Variants in TTLL7 observed in about 807,000 individuals in gnomAD.
The protein encoded by TTLL7 is tubulin tyrosine ligase like 7.
Under a neutral mutation model 120.2 loss-of-function variants are expected in TTLL7, and 53 were observed. That is an observed-to-expected ratio of 0.44 (90% CI 0.35 to 0.55). TTLL7 has a LOEUF of 0.55. Among genes scored for constraint, TTLL7 ranks in the 20% least tolerant of loss-of-function variants. The pLI is 0.00. For missense variants in TTLL7, 803 were observed against 1,054.7 expected (o/e 0.76, Z 3.31); for synonymous variants, 353 against 351.7 (o/e 1.00, Z -0.04).
At chr1:83,873,746 T>C (rs1321308577) in intron 20 of TTLL7, among the ~76,000 whole-genome samples, 1 of 152,158 alleles carries the variant, frequency 6.6e-6, no homozygotes, top group African/African-American at 2.4e-5. Flanking sequence ...TACCAATTTA[T>C]TGCTGACCAG....
At chr1:83,945,177 G>T (rs1263065678) in intron 6 of TTLL7, among the ~76,000 whole-genome samples, 1 of 152,152 alleles carries the variant, frequency 6.6e-6, no homozygotes, top group Non-Finnish European at 1.5e-5. Context: ...AATGTAAATA[G>T]ATTAACTCTC....
In TTLL7 at chr1:83,869,482, T is replaced by C. The variant is rs151213831; in HGVS notation, c.*480A>G. On this transcript the variant is annotated 3_prime_UTR_variant, in exon 21 of 21. Transcript: ENST00000260505. The stretch of plus-strand genomic sequence containing the variant: ...CATCAAGCAACACCAGGCTTCTAAA[T>C]CTTTTTGTTTCATTTAAAATGGCTA... 9.8e-4 allele frequency: 150 copies of C among 152,614 alleles called. 1 individual carries two copies. In the East Asian group the frequency reaches 0.025, roughly 25 times the overall value. The allele number at this position is 152,614 out of a possible 1,614,324, so 9.5% of individuals were successfully genotyped here.
intron 1 of TTLL7, among the ~76,000 whole-genome samples, chr1:83,998,046 CAATT>C (rs1167506559): frequency 1.3e-5 from 2 of 152,170 alleles, no homozygotes; most frequent in Non-Finnish European, 2.9e-5. Flanking sequence ...GATTACTCCT[CAATT>C]AATTAATTCT....
intron 1 of TTLL7, among the ~76,000 whole-genome samples, chr1:83,966,496 T>G (rs1650474196): frequency 6.6e-6 from 1 of 152,076 alleles, no homozygotes. Flanking sequence ...AAACCTGATT[T>G]AAAATACTCT....
chr1:83,888,780 C>G (rs1272515568), intron 19 of TTLL7, among the ~76,000 whole-genome samples: 2 of 151,644 alleles, frequency 1.3e-5, no homozygotes, highest in East Asian at 3.9e-4. Flanking sequence ...AAGAAGAAAA[C>G]AGCATATTAG....
chr1:83,991,118 G>A (rs886280160), intron 1 of TTLL7, among the ~76,000 whole-genome samples: 3 of 152,110 alleles, frequency 2.0e-5, no homozygotes, highest in Admixed American at 6.6e-5. Flanking sequence ...GTATGATTCC[G>A]CTTGTATGAG....
At chr1:83,976,048 T>A (rs1651449335) in intron 1 of TTLL7, among the ~76,000 whole-genome samples, 1 of 150,382 alleles carries the variant, frequency 6.6e-6, no homozygotes, top group South Asian at 2.1e-4. Flanking sequence ...TGTGTGTGTG[T>A]GTGTGTGTGT....
intron 4 of TTLL7, among the ~76,000 whole-genome samples, chr1:83,949,162 T>C (rs977185216): frequency 1.3e-5 from 2 of 152,218 alleles, no homozygotes; most frequent in African/African-American, 4.8e-5. Context: ...TATTTTCTTC[T>C]GAATATAAGT....
intron 14 of TTLL7, among the ~76,000 whole-genome samples, chr1:83,915,437 A>G (rs976385279): frequency 1.3e-5 from 2 of 152,228 alleles, no homozygotes; most frequent in Non-Finnish European, 2.9e-5. Context: ...CTAGCTAGCC[A>G]TATGTAGAAA....
At chr1:83,966,252 T>A (rs995823215) in intron 1 of TTLL7, among the ~76,000 whole-genome samples, 4 of 152,186 alleles carry the variant, frequency 2.6e-5, no homozygotes, top group Admixed American at 6.5e-5. Context: ...AGCTGCAACA[T>A]CAGTTCTTCC....
chr1:83,955,091 G>A (rs1039793534), intron 1 of TTLL7, among the ~76,000 whole-genome samples: 3 of 152,078 alleles, frequency 2.0e-5, no homozygotes, highest in African/African-American at 7.2e-5. Flanking sequence ...TTCTTCCGTT[G>A]AGCTTCTACC....
chr1:83,995,354 T>C (rs1407725972), intron 1 of TTLL7, among the ~76,000 whole-genome samples: 1 of 151,738 alleles, frequency 6.6e-6, no homozygotes, highest in Non-Finnish European at 1.5e-5. Flanking sequence ...CCTGGGGACA[T>C]ATCCATCATG....
intron 1 of TTLL7, among the ~76,000 whole-genome samples, chr1:83,953,191 C>T (rs1036749609): frequency 6.6e-6 from 1 of 152,148 alleles, no homozygotes; most frequent in Non-Finnish European, 1.5e-5. Context: ...CTATAGTACA[C>T]TTTGCTTGTA....
intron 18 of TTLL7, among the ~76,000 whole-genome samples, chr1:83,892,133 T>C (rs115061915): frequency 0.042 from 6,290 of 151,510 alleles, 153 homozygotes; most frequent in Middle Eastern, 0.1. Flanking sequence ...CTGGCCATGA[T>C]ACGCTTGTAA....
At chr1:83,916,112 ACCATTTGACCCAG>A (rs1015681496) in intron 14 of TTLL7, among the ~76,000 whole-genome samples, 1 of 152,142 alleles carries the variant, frequency 6.6e-6, no homozygotes, top group African/African-American at 2.4e-5. Flanking sequence ...AACTAGAAAT[ACCATTTGACCCAG>A]CCATCCCATT....
chr1:83,916,130 C>T lies in TTLL7; in HGVS notation c.1587+1474G>A, dbSNP rs532199688. ...TAGAAATACCATTTGACCCAGCCAT[C>T]CCATTACTGGGTATATCCCCAAAGG... On this transcript the variant is annotated intron_variant, in intron 14 of 20. Coordinates refer to ENST00000260505, the MANE Select transcript of TTLL7 (RefSeq NM_024686.6). Among the ~76,000 whole-genome samples, 68 of 152,272 alleles carry T rather than the reference C, an allele frequency of 4.5e-4. 1 individual carries two copies. The East Asian group carries it at 9.8e-3, about 22-fold the overall frequency.
intron 1 of TTLL7, among the ~76,000 whole-genome samples, chr1:83,964,899 T>C (rs1426334473): frequency 6.6e-6 from 1 of 152,152 alleles, no homozygotes. Flanking sequence ...TCATGGGATT[T>C]AAATTTACTA....
At chr1:83,916,324 A>C (rs960173330) in intron 14 of TTLL7, among the ~76,000 whole-genome samples, 24 of 152,186 alleles carry the variant, frequency 1.6e-4, no homozygotes, top group Non-Finnish European at 2.9e-4. Flanking sequence ...AAAAAGGATG[A>C]GTTCATGTCC....
intron 17 of TTLL7, 93 bp downstream of exon 17, chr1:83,906,236 T>A: frequency 1.9e-6 from 2 of 1,058,044 alleles, no homozygotes; most frequent in Non-Finnish European, 2.8e-6. Context: ...ACTATGTCAC[T>A]GAGCATAATG....
Sources: gnomAD v4.1 joint callset for allele counts (sites outside exome capture counted in the v4.1 genomes callset) on GRCh38, gnomAD v4.1.1 for gene constraint, MANE v1.5 for transcripts, NCBI Gene and HGNC (gene_info 2026-07-23, HGNC 2026-07-21) for gene names.